BARD1: variants seen among roughly 807,000 people sequenced by gnomAD.
BARD1 encodes BRCA1 associated RING domain 1, also known as BRCA1-associated RING domain protein 1.
In BARD1, 73 loss-of-function variants were observed where a neutral mutation model predicts 77.0. That is an observed-to-expected ratio of 0.95 (90% CI 0.79 to 1.15). The LOEUF (loss-of-function observed/expected upper bound fraction) is 1.15, where lower values mean the gene tolerates loss of function less well. Among genes scored for constraint, BARD1 ranks in the 50% most tolerant of loss-of-function variants. BARD1 has a pLI of 0.00. For synonymous variants in BARD1, 384 were observed against 338.0 expected (o/e 1.14, Z -1.49); for missense variants, 993 against 938.8 (o/e 1.06, Z -0.75).
At chr2:214,795,006 C>T (rs1574844126) in intron 2 of BARD1, among the ~76,000 whole-genome samples, 1 of 152,236 alleles carries the variant, frequency 6.6e-6, no homozygotes, top group East Asian at 1.9e-4. Flanking sequence ...GATCCCCCAC[C>T]CCACCACACA....
chr2:214,804,019 T>A (rs757623262), intron 1 of BARD1, among the ~76,000 whole-genome samples: 1 of 152,212 alleles, frequency 6.6e-6, no homozygotes, highest in Non-Finnish European at 1.5e-5. Context: ...ATGGCTCCCC[T>A]GTATCTCCAT....
intron 5 of BARD1, 83 bp downstream of exon 5, chr2:214,769,149 G>A: frequency 1.8e-6 from 2 of 1,137,750 alleles, no homozygotes; most frequent in Non-Finnish European, 2.6e-6. Context: ...TGTGGCAGAG[G>A]ATGATATATA....
At chr2:214,795,499 T>C (rs954707972) in intron 2 of BARD1, among the ~76,000 whole-genome samples, 1 of 152,090 alleles carries the variant, frequency 6.6e-6, no homozygotes, top group East Asian at 1.9e-4. Flanking sequence ...AGGGTAATGA[T>C]ATGGATATTA....
rs113936569 is a variant in BARD1 at position 214,753,957 on chromosome 2, G to A, written c.1569-1402C>T. ...TTCTCCAGCCAAGATATAATACAGC[G>A]GATTGCATTTCAGCTTTATAATTTA... On this transcript the variant is annotated intron_variant, in intron 6 of 10. Transcript: ENST00000260947. Among the ~76,000 whole-genome samples the A allele has an allele frequency of 2.7e-3, 415 of 152,142 alleles. 3 individuals carry two copies. The highest frequency in any genetic ancestry group is 9.3e-3 in the African/African-American group (387 of 41,498).
At chr2:214,766,964 C>T (rs1231537038) in intron 6 of BARD1, among the ~76,000 whole-genome samples, 2 of 152,066 alleles carry the variant, frequency 1.3e-5, no homozygotes, top group Admixed American at 6.6e-5. Context: ...TTCTGCTCCT[C>T]TCCCTCCTCC....
At chr2:214,745,533 A>C (rs1428699719) in intron 8 of BARD1, among the ~76,000 whole-genome samples, 189 bp downstream of exon 8, 1 of 152,154 alleles carries the variant, frequency 6.6e-6, no homozygotes, top group Admixed American at 6.5e-5. Context: ...TAAACTTTAC[A>C]TTTCCTAACT....
chr2:214,801,408 T>C (rs1354799674), intron 1 of BARD1, among the ~76,000 whole-genome samples: 5 of 152,220 alleles, frequency 3.3e-5, no homozygotes, highest in Admixed American at 6.5e-5. Context: ...CACTTATCTG[T>C]CGTTCATTTA....
intron 3 of BARD1, among the ~76,000 whole-genome samples, chr2:214,789,870 A>G (rs529999191): frequency 3.3e-4 from 50 of 152,250 alleles, no homozygotes; most frequent in South Asian, 2.7e-3. Flanking sequence ...AAGTCTGGTA[A>G]GGACTAAAAT....
chr2:214,772,871 T>G (rs3768712), intron 4 of BARD1, among the ~76,000 whole-genome samples: 27,643 of 152,226 alleles, frequency 0.18, 2,714 homozygotes, highest in East Asian at 0.42. Context: ...AATTAAGTTT[T>G]GATTCTGGCT....
chr2:214,803,473 G>A (rs1023418822), intron 1 of BARD1, among the ~76,000 whole-genome samples: 18 of 152,238 alleles, frequency 1.2e-4, no homozygotes, highest in Non-Finnish European at 2.6e-4. Flanking sequence ...CTTAGGGCTG[G>A]AGGTGGGACG....
At chr2:214,747,578 C>T (rs1358060438) in intron 7 of BARD1, among the ~76,000 whole-genome samples, 1 of 150,814 alleles carries the variant, frequency 6.6e-6, no homozygotes, top group African/African-American at 2.4e-5. Context: ...AAACTGGAAA[C>T]CATCATTCTC....
chr2:214,750,280 T>A (rs75082409), intron 7 of BARD1, among the ~76,000 whole-genome samples: 4,386 of 152,254 alleles, frequency 0.029, 91 homozygotes, highest in Middle Eastern at 0.061. Flanking sequence ...AGTCTCTTCC[T>A]ACTCCCAGCT....
chr2:214,761,338 T>G (rs1205336324), intron 6 of BARD1, among the ~76,000 whole-genome samples: 1 of 150,998 alleles, frequency 6.6e-6, no homozygotes, highest in Non-Finnish European at 1.5e-5. Context: ...ATGAGTATAA[T>G]TTTGGTATCA....
At chr2:214,794,010 G>A (rs1048292996) in intron 2 of BARD1, among the ~76,000 whole-genome samples, 3 of 152,090 alleles carry the variant, frequency 2.0e-5, no homozygotes, top group Non-Finnish European at 4.4e-5. Context: ...TCAGCACTTT[G>A]GGAGGCCGAG....
rs1694101036 is a variant in BARD1 at position 214,764,407 on chromosome 2, G to A, written c.1568+3075C>T. Among the ~76,000 whole-genome samples the A allele has an allele frequency of 2.6e-5, 4 of 152,126 alleles. 2 individuals carry two copies. In the South Asian group the frequency reaches 8.3e-4, roughly 32 times the overall value. On this transcript the variant is annotated intron_variant, in intron 6 of 10. Transcript: ENST00000260947. Reference sequence around the variant, plus strand: ...GTGGCCAAAAGGACAGGATAACCCAGGTGAAACCCAAATGAGAAACTGGCT... The same window carrying A: ...GTGGCCAAAAGGACAGGATAACCCAAGTGAAACCCAAATGAGAAACTGGCT...
chr2:214,785,379 A>G (rs929152981), intron 3 of BARD1, among the ~76,000 whole-genome samples: 9 of 151,964 alleles, frequency 5.9e-5, no homozygotes, highest in African/African-American at 2.2e-4. Flanking sequence ...AGAAAAAAAA[A>G]TTGCCTTAAA....
chr2:214,809,032 A>G (rs1279240409), intron 1 of BARD1, among the ~76,000 whole-genome samples: 1 of 152,202 alleles, frequency 6.6e-6, no homozygotes, highest in Non-Finnish European at 1.5e-5. Flanking sequence ...AGCTCCCGGA[A>G]AGCAGCGGGG....
chr2:214,792,320 A>C lies in BARD1; in HGVS notation c.341T>G (p.Leu114Trp). 6.2e-7 allele frequency: 1 copy of C among 1,613,492 alleles called. No homozygotes were observed. The change falls in exon 3 of 11, where the codon TTG (leucine) becomes TGG (tryptophan). Residue 114 changes from leucine (L) to tryptophan (W), a missense_variant. Coordinates refer to ENST00000260947, the MANE Select transcript of BARD1 (RefSeq NM_000465.4). ...MIQLCSKLRNLLHDNELSDLK... is the reference protein window; with the variant it reads ...MIQLCSKLRNWLHDNELSDLK... ...ACCTGACAGCTCATTGTCATGTAGCAAATTTCGAAGCTTACTACAAAGTTG... is the reference window on the plus strand; with the variant it reads ...ACCTGACAGCTCATTGTCATGTAGCCAATTTCGAAGCTTACTACAAAGTTG...
chr2:214,753,422 TTC>T (rs2106040971), intron 6 of BARD1, among the ~76,000 whole-genome samples: 1 of 152,308 alleles, frequency 6.6e-6, no homozygotes, highest in African/African-American at 2.4e-5. Flanking sequence ...AAATGAGCAA[TTC>T]TTTTATAGTC....
Sources: allele counts gnomAD v4.1 joint callset (sites outside exome capture counted in the v4.1 genomes callset), GRCh38; gene constraint gnomAD v4.1.1; transcripts MANE v1.5; gene names NCBI Gene and HGNC (gene_info 2026-07-23, HGNC 2026-07-21).